The following ERC2 variants were observed in gnomAD, a reference collection of about 807,000 sequenced individuals.
ERC2 encodes ERC protein 2.
A neutral mutation model predicts 114.8 loss-of-function variants in ERC2; 42 were observed. The ratio of observed to expected loss-of-function variants is 0.37; its 90% CI spans 0.29 to 0.47. The LOEUF is 0.47. Among genes scored for constraint, ERC2 ranks in the 20% least tolerant of loss-of-function variants. The pLI, the probability that ERC2 is intolerant of heterozygous loss-of-function variation, is 0.99. For missense variants in ERC2, 939 were observed against 1,150.7 expected (o/e 0.82, Z 2.66); for synonymous variants, 454 against 425.5 (o/e 1.07, Z -0.82).
intron 3 of ERC2, among the ~76,000 whole-genome samples, chr3:56,276,463 A>AAAAAAAAAAAAAAC (rs2053999191): frequency 6.6e-6 from 1 of 150,746 alleles, no homozygotes; most frequent in Admixed American, 6.6e-5. Flanking sequence ...CTCAGCTAAA[A>AAAAAAAAAAAAAAC]AAAAAAAAAA....
rs376938914 is a variant in ERC2, at chr3:55,967,507, T to C, written c.2268-16947A>G. On this transcript the variant is annotated intron_variant, in intron 12 of 17. Coordinates refer to ENST00000288221, the MANE Select transcript of ERC2 (RefSeq NM_015576.3). ...ATCCTAAATTATTTCTTGTTGTACC[T>C]TATAAAATCAGAATTCTTCCTTCAA... Among the ~76,000 whole-genome samples the C allele has an allele frequency of 3.1e-4, 47 of 152,340 alleles. No homozygotes were observed. The South Asian group carries it at 8.5e-3, about 28-fold the overall frequency.
intron 1 of ERC2, among the ~76,000 whole-genome samples, chr3:56,438,541 A>C (rs1265445344): frequency 1.3e-5 from 2 of 152,230 alleles, no homozygotes; most frequent in Admixed American, 6.5e-5. Flanking sequence ...TTGGTAACAT[A>C]ATAATGATAT....
At chr3:56,319,317 AAAAAG>A (rs1325670970) in intron 2 of ERC2, among the ~76,000 whole-genome samples, 1 of 152,124 alleles carries the variant, frequency 6.6e-6, no homozygotes, top group Non-Finnish European at 1.5e-5. Context: ...CTTAAAAAAA[AAAAAG>A]AAAATTCTGC....
chr3:56,272,730 A>T (rs909505345), intron 3 of ERC2, among the ~76,000 whole-genome samples: 1 of 152,232 alleles, frequency 6.6e-6, no homozygotes, highest in Admixed American at 6.5e-5. Context: ...AGACCATGCC[A>T]TTGCACTCCA....
intron 1 of ERC2, among the ~76,000 whole-genome samples, chr3:56,442,826 C>T (rs192931354): frequency 6.6e-6 from 1 of 152,222 alleles, no homozygotes; most frequent in African/African-American, 2.4e-5. Flanking sequence ...CAGCTTAACT[C>T]CCACTGTTGA....
chr3:56,034,289 A>AATAT (rs113368267), intron 7 of ERC2, among the ~76,000 whole-genome samples: 2 of 151,226 alleles, frequency 1.3e-5, no homozygotes, highest in African/African-American at 4.8e-5. Flanking sequence ...AACAACTATA[A>AATAT]ATATATATAT....
intron 15 of ERC2, among the ~76,000 whole-genome samples, chr3:55,733,542 T>TCTCACACA (rs377515133): frequency 0.01 from 1,089 of 107,774 alleles, 71 homozygotes; most frequent in Admixed American, 0.081. Flanking sequence ...TCTCTCTCTC[T>TCTCACACA]CACACACACA....
rs149583532 is a variant in ERC2 at position 56,238,310 on chromosome 3, T to A, written c.1074+57709A>T. Among the ~76,000 whole-genome samples, 398 of 152,256 alleles carry A rather than the reference T, an allele frequency of 2.6e-3. 5 individuals carry two copies. The highest frequency in any genetic ancestry group is 9.2e-3 in the African/African-American group (384 of 41,544). On this transcript the variant is annotated intron_variant, in intron 3 of 17. Coordinates refer to ENST00000288221, the MANE Select transcript of ERC2 (RefSeq NM_015576.3). ...GTGTTTAGTGTTGAAGTAGACAGGA[T>A]CCCCCAGATAACTCTGTTGTCTCCC...
intron 5 of ERC2, among the ~76,000 whole-genome samples, chr3:56,143,082 T>C (rs1266634179): frequency 6.6e-6 from 1 of 152,270 alleles, no homozygotes; most frequent in East Asian, 1.9e-4. Flanking sequence ...AAACAGAAAA[T>C]CTTCCCTGGA....
At chr3:56,175,637 T>C (rs993150594) in intron 3 of ERC2, among the ~76,000 whole-genome samples, 2 of 152,090 alleles carry the variant, frequency 1.3e-5, no homozygotes, top group Non-Finnish European at 2.9e-5. Flanking sequence ...AGTAGGCTGC[T>C]GGAAATTAAA....
rs2082821850 is a variant in ERC2, at chr3:56,173,862, C to G, written c.1075-342G>C. The G allele has an allele frequency of 1.9e-5, 4 of 210,756 alleles. No individual in the cohort carries two copies. In the South Asian group the frequency reaches 4.2e-4, roughly 22 times the overall value. The allele number at this position is 210,756 out of a possible 1,614,324, so 13.1% of individuals were successfully genotyped here. ...TACTAAATTACATTACTCTGTGCTC[C>G]CAATACAAACACAGCAAGGAAACAG... On this transcript the variant is annotated intron_variant, in intron 3 of 17. Coordinates refer to ENST00000288221, the MANE Select transcript of ERC2 (RefSeq NM_015576.3).
chr3:55,517,428 C>T (rs1336942759), intron 17 of ERC2, among the ~76,000 whole-genome samples: 1 of 113,526 alleles, frequency 8.8e-6, no homozygotes, highest in Non-Finnish European at 1.6e-5. Context: ...GCCTGGGTGA[C>T]GGAGTAAGAC....
intron 14 of ERC2, among the ~76,000 whole-genome samples, chr3:55,857,986 A>G (rs1012914979): frequency 1.3e-5 from 2 of 152,222 alleles, no homozygotes; most frequent in African/African-American, 2.4e-5. Context: ...CTCAAAAAAT[A>G]CAACAGAACT....
chr3:56,022,681 T>C (rs1391957468), intron 7 of ERC2, among the ~76,000 whole-genome samples: 2 of 152,056 alleles, frequency 1.3e-5, no homozygotes, highest in African/African-American at 2.4e-5. Flanking sequence ...AATTGGAAAA[T>C]AAGCAAATTG....
At chr3:55,770,480 A>C (rs1296720823) in intron 14 of ERC2, among the ~76,000 whole-genome samples, 1 of 152,214 alleles carries the variant, frequency 6.6e-6, no homozygotes, top group Non-Finnish European at 1.5e-5. Context: ...AATCAACTGG[A>C]ACAGAGGAGT....
At chr3:56,324,354 T>A (rs1381945903) in intron 2 of ERC2, among the ~76,000 whole-genome samples, 1 of 152,210 alleles carries the variant, frequency 6.6e-6, no homozygotes, top group Non-Finnish European at 1.5e-5. Context: ...CAGATGCTCC[T>A]TGACTTAGCA....
chr3:56,450,798 T>C (rs888277599), intron 1 of ERC2, among the ~76,000 whole-genome samples: 9 of 151,990 alleles, frequency 5.9e-5, no homozygotes, highest in Admixed American at 3.9e-4. Flanking sequence ...GCCGTTGCGC[T>C]CCAGCCTGGG....
intron 14 of ERC2, among the ~76,000 whole-genome samples, chr3:55,818,179 C>T (rs537057474): frequency 5.9e-5 from 9 of 152,262 alleles, no homozygotes; most frequent in African/African-American, 2.2e-4. Context: ...TGTTTCAATA[C>T]ATTATGGTGA....
chr3:55,752,517 G>A (rs549211925), intron 14 of ERC2, among the ~76,000 whole-genome samples: 2 of 152,288 alleles, frequency 1.3e-5, no homozygotes, highest in Admixed American at 1.3e-4. Context: ...CAAGACTGCT[G>A]AACAAGGGAC....
Sources: gnomAD v4.1 joint callset for allele counts (sites outside exome capture counted in the v4.1 genomes callset) on GRCh38, gnomAD v4.1.1 for gene constraint, MANE v1.5 for transcripts, NCBI Gene and HGNC (gene_info 2026-07-23, HGNC 2026-07-21) for gene names.